Variants in NRXN3 observed in about 807,000 individuals in gnomAD.
NRXN3 encodes neurexin III.
In NRXN3, 32 loss-of-function variants were observed where a neutral mutation model predicts 137.6. The observed-to-expected ratio is 0.23, with a 90% CI of 0.18 to 0.31. The LOEUF (loss-of-function observed/expected upper bound fraction) is 0.31, where lower values mean the gene tolerates loss of function less well. Ranked by LOEUF, NRXN3 falls within the 10% of genes least tolerant of loss-of-function variation. The pLI is 1.00. For synonymous variants in NRXN3, 798 were observed against 784.5 expected (o/e 1.02, Z -0.29); for missense variants, 1,574 against 2,062.5 (o/e 0.76, Z 4.59).
At chr14:78,579,484 C>A (rs988288693) in intron 4 of NRXN3, among the ~76,000 whole-genome samples, 6 of 151,588 alleles carry the variant, frequency 4.0e-5, no homozygotes, top group African/African-American at 1.5e-4. Flanking sequence ...GCAGTGAGAT[C>A]CACAGGGTAG....
At chr14:79,495,711 G>C (rs2096759668) in intron 16 of NRXN3, among the ~76,000 whole-genome samples, 1 of 152,032 alleles carries the variant, frequency 6.6e-6, no homozygotes, top group Non-Finnish European at 1.5e-5. Flanking sequence ...TAGGAAAATT[G>C]CTCAAAGTTG....
At chr14:78,564,601 A>G (rs1010095889) in intron 4 of NRXN3, among the ~76,000 whole-genome samples, 18 of 152,186 alleles carry the variant, frequency 1.2e-4, no homozygotes, top group Non-Finnish European at 1.5e-5. Context: ...AAACTTATGT[A>G]TTGTACCTTT....
chr14:78,170,952 CTTT>C (rs545853025), intron 1 of NRXN3, among the ~76,000 whole-genome samples: 39,720 of 125,670 alleles, frequency 0.32, 5,475 homozygotes, highest in African/African-American at 0.37. Context: ...TCTTCTTCTT[CTTT>C]TTTTTTTTTT....
At chr14:79,326,212 A>C (rs962349073) in intron 15 of NRXN3, among the ~76,000 whole-genome samples, 2 of 152,322 alleles carry the variant, frequency 1.3e-5, no homozygotes, top group African/African-American at 4.8e-5. Flanking sequence ...GAGGCCACAG[A>C]GTGCTGAATT....
intron 16 of NRXN3, among the ~76,000 whole-genome samples, chr14:79,573,382 C>T (rs2097630714): frequency 6.6e-6 from 1 of 152,086 alleles, no homozygotes; most frequent in Non-Finnish European, 1.5e-5. Context: ...CGCAGCTCTT[C>T]TAAGGTGGGC....
At chr14:79,692,075 C>A in intron 17 of NRXN3, 98 bp from the exon 18 acceptor site, 1 of 855,598 alleles carries the variant, frequency 1.2e-6, no homozygotes, top group Non-Finnish European at 1.8e-6. Context: ...ATATCTATCT[C>A]TAAAAACTTC....
At chr14:79,564,833 A>G (rs2097532541) in intron 16 of NRXN3, among the ~76,000 whole-genome samples, 1 of 152,162 alleles carries the variant, frequency 6.6e-6, no homozygotes, top group Non-Finnish European at 1.5e-5. Context: ...TTGAGAAAAG[A>G]GCAGAGCCAG....
chr14:79,406,192 C>T (rs1013921390), intron 15 of NRXN3, among the ~76,000 whole-genome samples: 6 of 152,178 alleles, frequency 3.9e-5, no homozygotes, highest in Non-Finnish European at 7.4e-5. Flanking sequence ...GCCCTACATT[C>T]CCACAGCTAT....
chr14:79,674,258 T>G (rs887553427), intron 17 of NRXN3, among the ~76,000 whole-genome samples: 11 of 152,052 alleles, frequency 7.2e-5, no homozygotes, highest in Admixed American at 1.3e-4. Flanking sequence ...TTCTTTTACT[T>G]AAATTTTTTT....
At chr14:78,706,312 ATTTCT>A (rs2152820732) in intron 6 of NRXN3, among the ~76,000 whole-genome samples, 1 of 152,230 alleles carries the variant, frequency 6.6e-6, no homozygotes, top group South Asian at 2.1e-4. Flanking sequence ...AACTTTTATG[ATTTCT>A]TTTCTGGTTT....
intron 1 of NRXN3, among the ~76,000 whole-genome samples, chr14:78,236,593 G>A (rs1038409177): frequency 6.6e-6 from 1 of 152,190 alleles, no homozygotes; most frequent in Non-Finnish European, 1.5e-5. Context: ...ATACCTAAAA[G>A]GGTAATTGTG....
intron 1 of NRXN3, among the ~76,000 whole-genome samples, chr14:78,207,946 T>G (rs1007785540): frequency 3.9e-5 from 6 of 152,232 alleles, no homozygotes; most frequent in African/African-American, 1.4e-4. Flanking sequence ...AAATACTGCC[T>G]TGCCTGTAAA....
At chr14:78,437,820 T>C (rs2094122983) in intron 4 of NRXN3, among the ~76,000 whole-genome samples, 1 of 152,214 alleles carries the variant, frequency 6.6e-6, no homozygotes, top group African/African-American at 2.4e-5. Context: ...CCAGGTGATT[T>C]TTCATGAACA....
At chr14:79,058,514 T>C (rs1309059220) in intron 15 of NRXN3, among the ~76,000 whole-genome samples, 1 of 152,100 alleles carries the variant, frequency 6.6e-6, no homozygotes, top group African/African-American at 2.4e-5. Context: ...AATATTAGAA[T>C]GAGAGATTCT....
chr14:79,431,913 T>C (rs142197512), intron 15 of NRXN3, among the ~76,000 whole-genome samples: 1 of 152,290 alleles, frequency 6.6e-6, no homozygotes, highest in African/African-American at 2.4e-5. Context: ...ACAGACCTTA[T>C]TATCCTTTAC....
At chr14:79,537,845 A>T (rs573684159) in intron 16 of NRXN3, among the ~76,000 whole-genome samples, 2 of 152,262 alleles carry the variant, frequency 1.3e-5, no homozygotes, top group East Asian at 1.9e-4. Flanking sequence ...TTTCTAGTTC[A>T]AGATCCCTGA....
At chr14:79,611,308 C>T (rs1326398327) in intron 16 of NRXN3, 7 of 152,166 alleles carry the variant, frequency 4.6e-5, no homozygotes, top group African/African-American at 1.7e-4. Context: ...ACCAAAGAGA[C>T]ACGTATCATT....
intron 19 of NRXN3, among the ~76,000 whole-genome samples, chr14:79,762,211 C>A (rs1288938215): frequency 6.6e-6 from 1 of 151,562 alleles, no homozygotes; most frequent in Admixed American, 6.6e-5. Context: ...AAATTGCTAG[C>A]ACTACGAAAT....
At chr14:78,578,591 T>C (rs1490375713) in intron 4 of NRXN3, among the ~76,000 whole-genome samples, 1 of 151,966 alleles carries the variant, frequency 6.6e-6, no homozygotes, top group Non-Finnish European at 1.5e-5. Flanking sequence ...CCCTGGAGAG[T>C]GGGGATTAGC....
Sources: gnomAD v4.1 joint callset for allele counts (sites outside exome capture counted in the v4.1 genomes callset) on GRCh38, gnomAD v4.1.1 for gene constraint, MANE v1.5 for transcripts, NCBI Gene and HGNC (gene_info 2026-07-23, HGNC 2026-07-21) for gene names.